The following CMIP variants were observed in gnomAD, a reference collection of about 807,000 sequenced individuals.
CMIP encodes c-Maf inducing protein, also known as C-Maf-inducing protein.
Under a neutral mutation model 97.3 loss-of-function variants are expected in CMIP, and 13 were observed. The ratio of observed to expected loss-of-function variants is 0.13; its 90% CI spans 0.09 to 0.21. The LOEUF is 0.21. Among genes scored for constraint, CMIP ranks in the 10% least tolerant of loss-of-function variants. CMIP has a pLI of 1.00. For missense variants in CMIP, 847 were observed against 1,024.9 expected, an observed-to-expected ratio of 0.83 and a Z score of 2.37; for synonymous variants, 538 against 436.3, an observed-to-expected ratio of 1.23 and a Z score of -2.91.
intron 9 of CMIP, among the ~76,000 whole-genome samples, chr16:81,675,889 A>T (rs1172776277): frequency 6.6e-6 from 1 of 152,200 alleles, no homozygotes; most frequent in Admixed American, 6.5e-5. Flanking sequence ...TGCTTGTCTA[A>T]CAAGCTCCCA....
At chr16:81,564,854 A>C (rs1026977888) in intron 1 of CMIP, among the ~76,000 whole-genome samples, 5 of 152,182 alleles carry the variant, frequency 3.3e-5, no homozygotes, top group African/African-American at 4.8e-5. Context: ...GGATGAGCAC[A>C]CAGAGAATGA....
In CMIP at chr16:81,522,927, G is replaced by T. The variant is rs1470117167; in HGVS notation, c.300+77386G>T. Among the ~76,000 whole-genome samples, 9 of 150,950 alleles carry T rather than the reference G, an allele frequency of 6.0e-5. No homozygotes were observed. In the South Asian group the frequency reaches 1.3e-3, roughly 21 times the overall value. On this transcript the variant is annotated intron_variant, in intron 1 of 20. Transcript: ENST00000537098. ...AATATATAACATTTCTTTGTATATG[G>T]TTTTTTTTTCTTTTTTTGAGACAGT...
intron 17 of CMIP, 48 bp downstream of exon 17, chr16:81,702,717 G>T (rs1301556826): frequency 6.4e-7 from 1 of 1,571,184 alleles, no homozygotes; most frequent in Admixed American, 1.7e-5. Context: ...AGGTGGGTTG[G>T]TCCTCTCTGT....
At chr16:81,707,751 C>G (rs74645369) in intron 20 of CMIP, among the ~76,000 whole-genome samples, 1 of 152,214 alleles carries the variant, frequency 6.6e-6, no homozygotes, top group African/African-American at 2.4e-5. Context: ...GGCCCTCAGT[C>G]GCCTCCTGTC....
chr16:81,693,417 C>G, intron 12 of CMIP, 22 bp from the exon 13 acceptor site: 1 of 1,607,194 alleles, frequency 6.2e-7, no homozygotes. Context: ...GGCAGTAACT[C>G]CGGCCGCCTC....
chr16:81,458,937 CCATCAT>C (rs753646867), intron 1 of CMIP, among the ~76,000 whole-genome samples: 4 of 137,280 alleles, frequency 2.9e-5, no homozygotes, highest in East Asian at 4.5e-4. Context: ...ATGTTTGCTA[CCATCAT>C]CATCATCATC....
chr16:81,657,592 C>G (rs1249512315), intron 4 of CMIP, among the ~76,000 whole-genome samples, 183 bp from the exon 5 acceptor site: 1 of 152,122 alleles, frequency 6.6e-6, no homozygotes, highest in Non-Finnish European at 1.5e-5. Flanking sequence ...ACCATACCTT[C>G]TCCCCCTTCC....
At chr16:81,625,877 G>A (rs1012925362) in intron 3 of CMIP, among the ~76,000 whole-genome samples, 1 of 152,242 alleles carries the variant, frequency 6.6e-6, no homozygotes, top group Non-Finnish European at 1.5e-5. Flanking sequence ...TTTCCCCAGG[G>A]GAAGTGAGGT....
chr16:81,518,489 T>C (rs575053489), intron 1 of CMIP: 1 of 152,424 alleles, frequency 6.6e-6, no homozygotes, highest in Non-Finnish European at 1.5e-5. Context: ...CCCCTCCAGC[T>C]TGGCGAGAGA....
chr16:81,489,186 G>A (rs914534206), intron 1 of CMIP, among the ~76,000 whole-genome samples: 1 of 152,206 alleles, frequency 6.6e-6, no homozygotes, highest in African/African-American at 2.4e-5. Context: ...AGGCGGGCAA[G>A]GAGGGGTACG....
In CMIP at chr16:81,445,227, TC is replaced by T. The variant is rs1446413856; in HGVS notation, c.-10del. The T allele has an allele frequency of 2.4e-6, 2 of 837,794 alleles. No individual in the cohort carries two copies. The highest frequency in any genetic ancestry group is 1.6e-5 in the South Asian group (1 of 63,524). The allele number at this position is 837,794 out of a possible 1,614,324, so 51.9% of individuals were successfully genotyped here. A position where few individuals can be genotyped will look rare whatever the true frequency, so the allele number is the denominator to read the frequency against. On this transcript the variant is annotated 5_prime_UTR_variant, in exon 1 of 21. Transcript: ENST00000537098. Reference sequence around the variant, plus strand: ...CCCCCTCTCCCCGCCCCCAGCCCCCTCCCCCGGCGCGGCCATGGATGTGACC... The same window carrying T: ...CCCCCTCTCCCCGCCCCCAGCCCCCTCCCCGGCGCGGCCATGGATGTGACC...
intron 1 of CMIP, among the ~76,000 whole-genome samples, chr16:81,572,116 C>T (rs533044029): frequency 5.1e-4 from 78 of 152,308 alleles, no homozygotes; most frequent in Admixed American, 6.5e-4. Flanking sequence ...TCCTGTCTCC[C>T]GGGGGCTCTT....
At chr16:81,607,458 C>T (rs2091762558) in intron 1 of CMIP, 109 bp from the exon 2 acceptor site, 2 of 1,410,422 alleles carry the variant, frequency 1.4e-6, no homozygotes, top group South Asian at 2.5e-5. Context: ...GCACCAGCTC[C>T]ATTTGCCTGT....
At chr16:81,651,408 G>A (rs765765658) in intron 3 of CMIP, 674 of 981,540 alleles carry the variant, frequency 6.9e-4, no homozygotes, top group Non-Finnish European at 7.9e-4. Flanking sequence ...CTCTGGCTTC[G>A]ACACAGCGCC....
At chr16:81,469,913 C>T (rs1907421842) in intron 1 of CMIP, among the ~76,000 whole-genome samples, 1 of 152,178 alleles carries the variant, frequency 6.6e-6, no homozygotes, top group South Asian at 2.1e-4. Context: ...CTTTGGGGTC[C>T]TCCTGTCTGC....
At chr16:81,602,575 C>T (rs138570457) in intron 1 of CMIP, among the ~76,000 whole-genome samples, 128 of 152,370 alleles carry the variant, frequency 8.4e-4, no homozygotes, top group African/African-American at 2.9e-3. Flanking sequence ...CCAAGAGTCC[C>T]CCTGCCCCTC....
rs1905727566 is a variant in CMIP at position 81,444,910 on chromosome 16, G to A, written c.-332G>A. Among the ~76,000 whole-genome samples the A allele has an allele frequency of 1.4e-4, 6 of 42,812 alleles. No homozygotes were observed. The South Asian group carries it at 4.1e-3, about 29-fold the overall frequency. 28.1% of individuals were successfully genotyped at this position (42,812 alleles called of 152,430 possible). ...CCCCCACCCCGCCGCCCCCACCCCG[G>A]CGCCCGCCCTCCGCGCCTGGCCCCG... On this transcript the variant is annotated 5_prime_UTR_variant, in exon 1 of 21. Coordinates refer to ENST00000537098, the MANE Select transcript of CMIP (RefSeq NM_198390.3).
chr16:81,495,384 C>A, intron 1 of CMIP: 2 of 1,540,330 alleles, frequency 1.3e-6, no homozygotes, highest in South Asian at 1.2e-5. Flanking sequence ...ATGGCATAAC[C>A]GTTTGAGAAC....
At chr16:81,589,153 G>A (rs1408658572) in intron 1 of CMIP, among the ~76,000 whole-genome samples, 1 of 151,870 alleles carries the variant, frequency 6.6e-6, no homozygotes, top group Non-Finnish European at 1.5e-5. Flanking sequence ...CTGCAGTGCA[G>A]TGGCGTGATC....
Sources: gnomAD v4.1 joint callset for allele counts (sites outside exome capture counted in the v4.1 genomes callset) on GRCh38, gnomAD v4.1.1 for gene constraint, MANE v1.5 for transcripts, NCBI Gene and HGNC (gene_info 2026-07-23, HGNC 2026-07-21) for gene names.